Variants in MTF1 observed in about 807,000 individuals in gnomAD.
MTF1 encodes the protein MRE-binding transcription factor.
Under a neutral mutation model 70.4 loss-of-function variants are expected in MTF1, and 22 were observed. The observed-to-expected ratio is 0.31, with a 90% CI of 0.22 to 0.45. The LOEUF (loss-of-function observed/expected upper bound fraction) is 0.45, where lower values mean the gene tolerates loss of function less well. Ranked by LOEUF, MTF1 falls within the 20% of genes least tolerant of loss-of-function variation. The pLI, the probability that MTF1 is intolerant of heterozygous loss-of-function variation, is 1.00. For missense variants in MTF1, 649 were observed against 922.0 expected (o/e 0.70, Z 3.83); for synonymous variants, 333 against 352.8 (o/e 0.94, Z 0.63).
intron 7 of MTF1, among the ~76,000 whole-genome samples, chr1:37,829,370 T>G (rs2148407142): frequency 6.6e-6 from 1 of 152,308 alleles, no homozygotes; most frequent in Admixed American, 6.5e-5. Context: ...CTCACTGTGT[T>G]GCCCAGACTG....
At chr1:37,817,260 G>A (rs1640834339) in intron 10 of MTF1, among the ~76,000 whole-genome samples, 159 bp downstream of exon 10, 1 of 152,202 alleles carries the variant, frequency 6.6e-6, no homozygotes, top group South Asian at 2.1e-4. Context: ...ATAGTTGTGA[G>A]AATATGAAAT....
rs1569852156 is a variant in MTF1 at position 37,823,897 on chromosome 1, AG to A, written c.1069-86del. The A allele has an allele frequency of 1.3e-5, 13 of 971,788 alleles. No homozygotes were observed. The East Asian group carries it at 3.0e-4, about 22-fold the overall frequency. 60.2% of individuals were successfully genotyped at this position (971,788 alleles called of 1,614,324 possible). ...AAAACACATTCAAAGCAGCAGAACTAGAATGAAAATCTTTTGATATGCATTT... is the reference window on the plus strand; with the variant it reads ...AAAACACATTCAAAGCAGCAGAACTAAATGAAAATCTTTTGATATGCATTT... On this transcript the variant is annotated intron_variant, in intron 7 of 10. Transcript: ENST00000373036.
intron 7 of MTF1, among the ~76,000 whole-genome samples, chr1:37,824,570 C>A (rs1257560235): frequency 6.6e-6 from 1 of 151,908 alleles, no homozygotes. Context: ...TGGTGGCAGG[C>A]GCCTGTAATC....
intron 1 of MTF1, among the ~76,000 whole-genome samples, chr1:37,858,917 A>G (rs1458165766): frequency 6.6e-6 from 1 of 152,182 alleles, no homozygotes. Flanking sequence ...CATCCCTTTT[A>G]GTTTTCAGTC....
chr1:37,849,605 C>A (rs1641384207), intron 2 of MTF1, among the ~76,000 whole-genome samples: 1 of 152,150 alleles, frequency 6.6e-6, no homozygotes, highest in African/African-American at 2.4e-5. Context: ...GTCAGTTAGC[C>A]ATGGAGGATA....
rs766621404 is a variant in MTF1 at position 37,819,951 on chromosome 1, C to CAAAAAA, written c.1767+2164_1767+2169dup. ...TAGGCAACAGAGCAAGACTCTGACT[C>CAAAAAA]AAAAAAAAAAAAAAAAAAAAAAAAA... On this transcript the variant is annotated intron_variant, in intron 9 of 10. Transcript: ENST00000373036. 6.9e-4 allele frequency among the ~76,000 whole-genome samples: 57 copies of CAAAAAA among 82,664 alleles called. 1 individual carries two copies. Among genetic ancestry groups the CAAAAAA allele is most frequent in the East Asian group, 2.1e-3 (6 of 2,814 alleles). The allele number at this position is 82,664 out of a possible 152,430, so 54.2% of individuals were successfully genotyped here.
intron 9 of MTF1, among the ~76,000 whole-genome samples, chr1:37,818,721 G>A (rs1445171088): frequency 6.7e-6 from 1 of 149,140 alleles, no homozygotes; most frequent in Non-Finnish European, 1.5e-5. Flanking sequence ...AAGGCCAGGT[G>A]TGGTGGCTCA....
intron 2 of MTF1, among the ~76,000 whole-genome samples, chr1:37,846,313 G>A (rs945574306): frequency 6.7e-6 from 1 of 149,716 alleles, no homozygotes; most frequent in African/African-American, 2.5e-5. Flanking sequence ...AGTGACCTTA[G>A]AAAGGCTTCT....
At chr1:37,836,941 G>A (rs559682709) in intron 4 of MTF1, among the ~76,000 whole-genome samples, 87 of 135,400 alleles carry the variant, frequency 6.4e-4, no homozygotes, top group African/African-American at 2.0e-3. Flanking sequence ...CTACGGGAAG[G>A]GGGGCGGCGG....
chr1:37,835,827 G>A, intron 4 of MTF1, 83 bp from the exon 5 acceptor site: 1 of 1,150,626 alleles, frequency 8.7e-7, no homozygotes, highest in Non-Finnish European at 1.3e-6. Context: ...TTGAGATCGA[G>A]TCTCGCTCTG....
chr1:37,849,107 G>A (rs750904013), intron 2 of MTF1, among the ~76,000 whole-genome samples: 12 of 152,164 alleles, frequency 7.9e-5, no homozygotes, highest in Non-Finnish European at 1.3e-4. Context: ...GGTGTGTCTA[G>A]AAGCAATATA....
intron 2 of MTF1, among the ~76,000 whole-genome samples, chr1:37,844,450 A>C (rs1223898041): frequency 6.6e-6 from 1 of 152,204 alleles, no homozygotes; most frequent in African/African-American, 2.4e-5. Context: ...AATACTTACT[A>C]TACCACTCAT....
rs970764074 is a variant in MTF1 at position 37,816,061 on chromosome 1, GTGC to G, written c.1832-498_1832-496del. The stretch of plus-strand genomic sequence containing the variant: ...CCCAGCCTCCCGGCACACATGCACA[GTGC>G]TGCTGTTTTCCTTCCACACCTCTCT... On this transcript the variant is annotated intron_variant, in intron 10 of 10. Coordinates refer to ENST00000373036, the MANE Select transcript of MTF1 (RefSeq NM_005955.3). Among the ~76,000 whole-genome samples, 6 of 152,318 alleles carry G rather than the reference GTGC, an allele frequency of 3.9e-5. No individual in the cohort carries two copies. In the South Asian group the frequency reaches 1.2e-3, roughly 32 times the overall value.
intron 2 of MTF1, among the ~76,000 whole-genome samples, chr1:37,851,323 G>T (rs1291724130): frequency 3.9e-5 from 6 of 152,200 alleles, no homozygotes; most frequent in African/African-American, 9.7e-5. Context: ...TGAACAAAGT[G>T]CTCATAATAT....
chr1:37,854,466 A>T (rs1641460817), intron 2 of MTF1, among the ~76,000 whole-genome samples: 1 of 152,190 alleles, frequency 6.6e-6, no homozygotes, highest in African/African-American at 2.4e-5. Flanking sequence ...TGTCCTGTGC[A>T]CTGTAAAACA....
chr1:37,853,724 C>G (rs1641450894), intron 2 of MTF1, among the ~76,000 whole-genome samples: 1 of 152,198 alleles, frequency 6.6e-6, no homozygotes, highest in Non-Finnish European at 1.5e-5. Flanking sequence ...CCACCTTTTT[C>G]ACAAAGACTT....
chr1:37,857,463 G>A lies in MTF1; in HGVS notation c.196C>T (p.Gln66Ter). The change falls in exon 2 of 11, where the codon CAG (glutamine) becomes TAG (stop). Residue 66 changes from glutamine to a stop codon, truncating the protein, a stop_gained. Coordinates refer to ENST00000373036, the MANE Select transcript of MTF1 (RefSeq NM_005955.3). LOFTEE classifies it high-confidence loss of function. ...AGAAAAGGCAAGTGTTCTCCGCACT[G>A]TCCGTCGTCATCTTCATCCTCCAAA... is the stretch of plus-strand genomic sequence containing the variant. ...GTLEDEDDDGQCGEHLPFLVG... is the reference protein window; with the variant it reads ...GTLEDEDDDG The A allele has an allele frequency of 6.2e-7, 1 of 1,614,150 alleles. No homozygotes were observed. Among genetic ancestry groups the A allele is most frequent in the Non-Finnish European group, 8.5e-7 (1 of 1,180,026 alleles).
At chr1:37,857,737 G>A in intron 1 of MTF1, 28 bp from the exon 2 acceptor site, 2 of 1,451,902 alleles carry the variant, frequency 1.4e-6, no homozygotes, top group Non-Finnish European at 9.5e-7. Context: ...CAGAGTTAGA[G>A]TCATACCACA....
At position 37,812,013 on chromosome 1, in the gene MTF1, C is replaced by T. The variant is rs952675316; in HGVS notation, c.*3123G>A. On this transcript the variant is annotated 3_prime_UTR_variant, in exon 11 of 11. Coordinates refer to ENST00000373036, the MANE Select transcript of MTF1 (RefSeq NM_005955.3). Reference sequence around the variant, plus strand: ...CCAGTTTCCTTACCACCTCCTAAGTCCATGAACCCCAATCCCTGGTGCTAA... The same window carrying T: ...CCAGTTTCCTTACCACCTCCTAAGTTCATGAACCCCAATCCCTGGTGCTAA... 1 of 152,712 alleles carries T rather than the reference C, an allele frequency of 6.5e-6. No homozygotes were observed. Among genetic ancestry groups the T allele is most frequent in the Non-Finnish European group, 1.5e-5 (1 of 68,078 alleles). The allele number at this position is 152,712 out of a possible 1,614,324, so 9.5% of individuals were successfully genotyped here. A position where few individuals can be genotyped will look rare whatever the true frequency, so the allele number is the denominator to read the frequency against.
Sources: gnomAD v4.1 joint callset for allele counts (sites outside exome capture counted in the v4.1 genomes callset) on GRCh38, gnomAD v4.1.1 for gene constraint, MANE v1.5 for transcripts, NCBI Gene and HGNC (gene_info 2026-07-23, HGNC 2026-07-21) for gene names.